Variants in LARP1B observed in about 807,000 individuals in gnomAD.
LARP1B encodes the protein La ribonucleoprotein 1B, also known as la-related protein 1B.
In LARP1B, 76 loss-of-function variants were observed where a neutral mutation model predicts 114.2. That is an observed-to-expected ratio of 0.67 (90% CI 0.55 to 0.81). The LOEUF is 0.81. LARP1B is among the 30% of genes least tolerant of loss of function. The pLI, the probability that LARP1B is intolerant of heterozygous loss-of-function variation, is 0.00. For synonymous variants in LARP1B, 345 were observed against 348.0 expected (o/e 0.99, Z 0.10); for missense variants, 1,014 against 1,075.8 (o/e 0.94, Z 0.80).
intron 7 of LARP1B, among the ~76,000 whole-genome samples, chr4:128,091,935 G>A (rs1355863850): frequency 6.6e-6 from 1 of 152,070 alleles, no homozygotes; most frequent in Non-Finnish European, 1.5e-5. Context: ...TGTAAAGGTT[G>A]GAAAATGTTA....
intron 11 of LARP1B, among the ~76,000 whole-genome samples, chr4:128,146,023 ATTAC>A (rs1730191286): frequency 6.6e-6 from 1 of 152,236 alleles, no homozygotes. Context: ...CAACTTTAGT[ATTAC>A]TTATTAAAGT....
At chr4:128,133,542 G>A (rs1792223622) in intron 11 of LARP1B, among the ~76,000 whole-genome samples, 1 of 152,156 alleles carries the variant, frequency 6.6e-6, no homozygotes, top group Non-Finnish European at 1.5e-5. Flanking sequence ...GCCTTGAATA[G>A]TCAAAACATT....
chr4:128,204,482 C>G (rs2150926033), intron 17 of LARP1B, among the ~76,000 whole-genome samples: 1 of 151,718 alleles, frequency 6.6e-6, no homozygotes, highest in South Asian at 2.1e-4. Flanking sequence ...TGGTGAAACC[C>G]CATCTCTACT....
At chr4:128,105,822 C>T (rs552025693) in intron 8 of LARP1B, among the ~76,000 whole-genome samples, 1 of 152,086 alleles carries the variant, frequency 6.6e-6, no homozygotes, top group African/African-American at 2.4e-5. Flanking sequence ...ACTTGGGAGG[C>T]GGAGGTTGCA....
chr4:128,080,661 T>C (rs1038574158), intron 4 of LARP1B, among the ~76,000 whole-genome samples: 2 of 152,220 alleles, frequency 1.3e-5, no homozygotes, highest in Non-Finnish European at 2.9e-5. Flanking sequence ...ACCTGAGCTA[T>C]GGCATTCATG....
In LARP1B at chr4:128,089,472, A is replaced by G. The variant is rs150868049; in HGVS notation, c.359-1529A>G. On this transcript the variant is annotated intron_variant, in intron 5 of 19. Coordinates refer to ENST00000326639, the MANE Select transcript of LARP1B (RefSeq NM_018078.4). ...TGCCCTAGCCTCCCGAGTAGCTGGG[A>G]TTACCGGCGCCCACCACTATGTCTG... is the stretch of plus-strand genomic sequence containing the variant. 5.8e-3 allele frequency among the ~76,000 whole-genome samples: 878 copies of G among 151,352 alleles called. 12 individuals are homozygous for G. Among genetic ancestry groups the G allele is most frequent in the African/African-American group, 0.02 (820 of 41,220 alleles).
rs1157273900 is a variant in LARP1B, at chr4:128,122,143, G to A, written c.1479G>A (p.Gln493=). The A allele has an allele frequency of 1.2e-6, 2 of 1,613,894 alleles. No individual in the cohort carries two copies. Among genetic ancestry groups the A allele is most frequent in the Non-Finnish European group, 8.5e-7 (1 of 1,179,878 alleles). Residue 493 remains glutamine, a synonymous_variant, in exon 11 of 20, where the codon CAG becomes CAA. Transcript: ENST00000326639. ...ATGATGGCTTATACTATTATGAACA[G>A]GATCTATGGATGGAAGAAGATGAAA... ...VINDGLYYYE[Q]DLWMEEDENK... is the part of the protein sequence containing the mutation.
chr4:128,216,584 C>A (rs1759491342), downstream of LARP1B, among the ~76,000 whole-genome samples: 1 of 150,312 alleles, frequency 6.7e-6, no homozygotes, highest in Non-Finnish European at 1.5e-5. Context: ...TAAAGATGTT[C>A]TTTGAAACCA....
chr4:128,079,902 C>G lies in LARP1B; in HGVS notation c.217+1940C>G, dbSNP rs140649569. ...AACTACTTCGTCACTTAACTGTTCC[C>G]TGCTTCCTACATACGTAAGTAGTGT... On this transcript the variant is annotated intron_variant, in intron 4 of 19. Transcript: ENST00000326639. 2.1e-3 allele frequency among the ~76,000 whole-genome samples: 322 copies of G among 152,014 alleles called. 1 individual carries two copies. Among genetic ancestry groups the G allele is most frequent in the Non-Finnish European group, 3.6e-3 (243 of 67,984 alleles).
intron 12 of LARP1B, among the ~76,000 whole-genome samples, chr4:128,173,734 C>A (rs986088123): frequency 6.6e-5 from 10 of 152,180 alleles, no homozygotes; most frequent in African/African-American, 1.7e-4. Flanking sequence ...ATATACATTT[C>A]TAACAAGTTC....
At chr4:128,144,113 CACCCCA>C (rs983514533) in intron 11 of LARP1B, among the ~76,000 whole-genome samples, 2 of 152,148 alleles carry the variant, frequency 1.3e-5, no homozygotes, top group Admixed American at 6.5e-5. Flanking sequence ...AGCATCCCCC[CACCCCA>C]ATCCCATGAC....
intron 9 of LARP1B, among the ~76,000 whole-genome samples, chr4:128,110,336 A>G (rs1783611566): frequency 6.6e-6 from 1 of 151,664 alleles, no homozygotes; most frequent in Admixed American, 6.6e-5. Context: ...AGTCATTTAA[A>G]CTCATTTTGT....
intron 11 of LARP1B, chr4:128,122,640 A>T: frequency 6.9e-7 from 1 of 1,447,956 alleles, no homozygotes; most frequent in Non-Finnish European, 9.0e-7. Context: ...TGTTTTCCCC[A>T]CTTAGTCTAT....
At chr4:128,099,021 C>T (rs1009050591) in intron 8 of LARP1B, among the ~76,000 whole-genome samples, 2 of 150,724 alleles carry the variant, frequency 1.3e-5, no homozygotes, top group Non-Finnish European at 3.0e-5. Flanking sequence ...TGTGATCCGC[C>T]CACCTTCGCC....
chr4:128,211,995 T>C (rs1194820977), downstream of LARP1B: 2 of 157,396 alleles, frequency 1.3e-5, no homozygotes, highest in African/African-American at 4.8e-5. Flanking sequence ...AAAATTGGTG[T>C]CAGGCTATAT....
chr4:128,104,509 A>G (rs1013100817), intron 8 of LARP1B, among the ~76,000 whole-genome samples: 20 of 151,704 alleles, frequency 1.3e-4, no homozygotes, highest in African/African-American at 4.4e-4. Context: ...TACTGACCTG[A>G]TCTCAGCTCA....
In LARP1B at chr4:128,211,986, A is replaced by G. The variant is rs1356468413; in HGVS notation, c.*1933A>G. 5.9e-6 allele frequency: 1 copy of G among 168,214 alleles called. No individual in the cohort carries two copies. Among genetic ancestry groups the G allele is most frequent in the Non-Finnish European group, 1.2e-5 (1 of 82,676 alleles). 10.4% of individuals were successfully genotyped at this position (168,214 alleles called of 1,614,324 possible). On this transcript the variant is annotated 3_prime_UTR_variant, in exon 20 of 20. Transcript: ENST00000326639. ...CTTGTTATAAAAAGAAGAAAAACCA[A>G]AATTGGTGTCAGGCTATATATAGTG...
chr4:128,079,611 T>A (rs1769456690), intron 4 of LARP1B, among the ~76,000 whole-genome samples: 1 of 152,170 alleles, frequency 6.6e-6, no homozygotes, highest in Non-Finnish European at 1.5e-5. Flanking sequence ...TCACCCAGGC[T>A]GGAGTTCAGT....
chr4:128,095,224 C>T (rs1045251023), intron 7 of LARP1B, among the ~76,000 whole-genome samples: 3 of 151,984 alleles, frequency 2.0e-5, no homozygotes, highest in African/African-American at 4.8e-5. Context: ...CATGGTGGCT[C>T]ACTCCTGTAA....
Sources: allele counts gnomAD v4.1 joint callset (sites outside exome capture counted in the v4.1 genomes callset), GRCh38; gene constraint gnomAD v4.1.1; transcripts MANE v1.5; gene names NCBI Gene and HGNC (gene_info 2026-07-23, HGNC 2026-07-21).